ABCC9: variants seen among roughly 807,000 people sequenced by gnomAD.
ABCC9 encodes the protein ATP-binding cassette sub-family C member 9.
A neutral mutation model predicts 188.3 loss-of-function variants in ABCC9; 95 were observed. The observed-to-expected ratio is 0.50, with a 90% CI of 0.43 to 0.60. The LOEUF (loss-of-function observed/expected upper bound fraction) is 0.60, where lower values mean the gene tolerates loss of function less well. ABCC9 is among the 20% of genes least tolerant of loss of function. ABCC9 has a pLI of 0.00. For missense variants in ABCC9, 1,102 were observed against 1,876.3 expected, an observed-to-expected ratio of 0.59 and a Z score of 7.62; for synonymous variants, 659 against 652.7, an observed-to-expected ratio of 1.01 and a Z score of -0.15.
intron 17 of ABCC9, among the ~76,000 whole-genome samples, chr12:21,875,022 T>G (rs1399896369): frequency 6.6e-6 from 1 of 152,208 alleles, no homozygotes; most frequent in African/African-American, 2.4e-5. Flanking sequence ...TAGTACTGTG[T>G]ACTTTAAAAT....
intron 16 of ABCC9, among the ~76,000 whole-genome samples, chr12:21,882,012 T>C (rs1221449572): frequency 6.6e-6 from 1 of 152,092 alleles, no homozygotes; most frequent in Non-Finnish European, 1.5e-5. Context: ...GGTAAGGTAT[T>C]GTGTCAGGTG....
chr12:21,873,872 A>G (rs555929565), intron 17 of ABCC9, among the ~76,000 whole-genome samples: 1 of 152,270 alleles, frequency 6.6e-6, no homozygotes, highest in Admixed American at 6.5e-5. Flanking sequence ...TCAACTCAAA[A>G]TGGATTAAAA....
intron 34 of ABCC9, among the ~76,000 whole-genome samples, chr12:21,815,448 GTTA>G (rs2137171126): frequency 1.3e-5 from 2 of 152,186 alleles, no homozygotes; most frequent in South Asian, 4.1e-4. Flanking sequence ...GGGGACTAGA[GTTA>G]TTATGAATGC....
At chr12:21,890,102 C>T (rs565482713) in intron 14 of ABCC9, among the ~76,000 whole-genome samples, 11 of 152,148 alleles carry the variant, frequency 7.2e-5, no homozygotes, top group Admixed American at 2.0e-4. Context: ...ATGGGTAATA[C>T]GAAAAGCATT....
At chr12:21,857,681 T>A (rs906624416) in intron 22 of ABCC9, among the ~76,000 whole-genome samples, 2 of 152,092 alleles carry the variant, frequency 1.3e-5, no homozygotes, top group African/African-American at 4.8e-5. Flanking sequence ...AAGACGTGAC[T>A]ATGTAAAAAT....
chr12:21,891,071 A>G (rs557915738), intron 14 of ABCC9, among the ~76,000 whole-genome samples: 3 of 152,080 alleles, frequency 2.0e-5, no homozygotes, highest in Non-Finnish European at 4.4e-5. Flanking sequence ...CATTCTTTGT[A>G]TAGCTTTATA....
intron 3 of ABCC9, among the ~76,000 whole-genome samples, chr12:21,935,984 AAC>A (rs1206973179): frequency 6.6e-6 from 1 of 152,130 alleles, no homozygotes; most frequent in East Asian, 1.9e-4. Flanking sequence ...TTCTACATAA[AAC>A]ACAACCTCAT....
intron 17 of ABCC9, 142 bp downstream of exon 17, chr12:21,875,512 T>G: frequency 1.6e-6 from 1 of 641,786 alleles, no homozygotes; most frequent in Non-Finnish European, 2.7e-6. Context: ...ACACAGTGGC[T>G]CGCAAGCACA....
chr12:21,835,541 G>A (rs1944026852), intron 30 of ABCC9, among the ~76,000 whole-genome samples: 1 of 152,144 alleles, frequency 6.6e-6, no homozygotes, highest in Non-Finnish European at 1.5e-5. Context: ...AATATCAAAG[G>A]ATATTGGGAG....
chr12:21,876,097 A>T (rs1250608536), intron 16 of ABCC9, among the ~76,000 whole-genome samples: 1 of 152,080 alleles, frequency 6.6e-6, no homozygotes, highest in Non-Finnish European at 1.5e-5. Flanking sequence ...GTACTAAAAG[A>T]CTCAACCCAA....
intron 24 of ABCC9, among the ~76,000 whole-genome samples, chr12:21,848,835 A>AGGAGGGAGTAAGCCCTAGCAGTGT (rs369914713): frequency 0.024 from 3,591 of 152,296 alleles, 56 homozygotes; most frequent in Non-Finnish European, 0.039. Context: ...AGTGTAAGAG[A>AGGAGGGAGTAAGCCCTAGCAGTGT]AAGCCCTAGG....
rs1432660329 is a variant in ABCC9 at position 21,862,933 on chromosome 12, T to C, written c.2339+20A>G. 2.0e-6 allele frequency: 3 copies of C among 1,538,176 alleles called. No individual in the cohort carries two copies. Among genetic ancestry groups the C allele is most frequent in the Non-Finnish European group, 2.7e-6 (3 of 1,111,772 alleles). On this transcript the variant is annotated intron_variant, in intron 20 of 39. Coordinates refer to ENST00000261200, the MANE Select transcript of ABCC9 (RefSeq NM_020297.4). The stretch of plus-strand genomic sequence containing the variant: ...AAAGAGTTGCCATTTTGGTTCTAAA[T>C]TTTATATGCTCAAAATTACCTCTGT...
At position 21,801,039 on chromosome 12, in the gene ABCC9, C is replaced by T; in HGVS notation, c.*5G>A. 6.2e-7 allele frequency: 1 copy of T among 1,613,770 alleles called. No homozygotes were observed. Among genetic ancestry groups the T allele is most frequent in the Middle Eastern group, 1.7e-4 (1 of 6,058 alleles). The stretch of plus-strand genomic sequence containing the variant: ...TAAATACATGTATTGTTTTAAGACA[C>T]TCCTTCACATGTCTGCGCGAACAAA... On this transcript the variant is annotated 3_prime_UTR_variant, in exon 40 of 40. Coordinates refer to ENST00000261200, the MANE Select transcript of ABCC9 (RefSeq NM_020297.4).
At chr12:21,842,188 T>C in intron 29 of ABCC9, 126 bp downstream of exon 29, 5 of 1,192,174 alleles carry the variant, frequency 4.2e-6, no homozygotes, top group Non-Finnish European at 6.0e-6. Context: ...TCAAGTTTTG[T>C]GTTTTGGAAC....
At chr12:21,893,940 A>G in intron 14 of ABCC9, 92 bp downstream of exon 14, 1 of 1,310,522 alleles carries the variant, frequency 7.6e-7, no homozygotes, top group Non-Finnish European at 1.1e-6. Context: ...AGTGATTTTA[A>G]TGTTCTTTTT....
Position 21,852,443 on chromosome 12 carries a change from C to G in ABCC9, c.2568G>C (p.Leu856Phe). The G allele has an allele frequency of 1.2e-6, 2 of 1,613,700 alleles. No homozygotes were observed. Among genetic ancestry groups the G allele is most frequent in the Non-Finnish European group, 1.7e-6 (2 of 1,179,924 alleles). The change falls in exon 23 of 40, where the codon TTG becomes TTC. Residue 856 changes from leucine to phenylalanine, a missense_variant. By Grantham distance (22) the Leu-to-Phe change is conservative (BLOSUM62 0). Transcript: ENST00000261200. Reference sequence around the variant, plus strand: ...TCCTTTTGTCATCTTGCAGGAATTTCAAAATCCCCTCCTGCATTAAATGAT... The same window carrying G: ...TCCTTTTGTCATCTTGCAGGAATTTGAAAATCCCCTCCTGCATTAAATGAT... ...LSDHLMQEGI[L>F]KFLQDDKRTL...
At chr12:21,840,820 G>A (rs1944341648) in intron 29 of ABCC9, among the ~76,000 whole-genome samples, 2 of 152,304 alleles carry the variant, frequency 1.3e-5, no homozygotes, top group Admixed American at 6.5e-5. Flanking sequence ...CTAATTCATA[G>A]CTAAGAGGGA....
intron 30 of ABCC9, among the ~76,000 whole-genome samples, chr12:21,830,887 G>T (rs1446688317): frequency 1.3e-5 from 2 of 152,024 alleles, no homozygotes; most frequent in African/African-American, 2.4e-5. Flanking sequence ...ACCTTTTTAG[G>T]GATGAATATA....
At chr12:21,899,263 G>A (rs1221765728) in intron 12 of ABCC9, among the ~76,000 whole-genome samples, 1 of 152,196 alleles carries the variant, frequency 6.6e-6, no homozygotes, top group East Asian at 1.9e-4. Context: ...TTCATCAAAT[G>A]AATCTTCGGC....
Sources: allele counts gnomAD v4.1 joint callset (sites outside exome capture counted in the v4.1 genomes callset), GRCh38; gene constraint gnomAD v4.1.1; transcripts MANE v1.5; gene names NCBI Gene and HGNC (gene_info 2026-07-23, HGNC 2026-07-21).